The following DNAH14 variants were observed in gnomAD, a reference collection of about 807,000 sequenced individuals.
DNAH14 encodes axonemal beta dynein heavy chain 14.
In DNAH14, 478 loss-of-function variants were observed where a neutral mutation model predicts 520.9. The observed-to-expected ratio is 0.92, with a 90% CI of 0.85 to 0.99. The LOEUF is 0.99. Among genes scored for constraint, DNAH14 ranks in the 50% least tolerant of loss-of-function variants. The pLI is 0.00. For synonymous variants in DNAH14, 1,581 were observed against 1,757.2 expected (o/e 0.90, Z 2.51); for missense variants, 4,831 against 5,234.5 (o/e 0.92, Z 2.38).
Position 224,964,393 on chromosome 1 carries a change from A to C in DNAH14, c.368-86A>C, listed in dbSNP as rs1188461724. On this transcript the variant is annotated intron_variant, in intron 4 of 85. Coordinates refer to ENST00000682510, the MANE Select transcript of DNAH14 (RefSeq NM_001367479.1). Reference sequence around the variant, plus strand: ...TGTTACCATTTAAATTTTTCTCTATATAGAAATATTTGTAATATTATGCAT... The same window carrying C: ...TGTTACCATTTAAATTTTTCTCTATCTAGAAATATTTGTAATATTATGCAT... 3.7e-6 allele frequency: 5 copies of C among 1,343,624 alleles called. No homozygotes were observed. In the African/African-American group the frequency reaches 7.6e-5, roughly 20 times the overall value. 83.2% of individuals were successfully genotyped at this position (1,343,624 alleles called of 1,614,324 possible). A position where few individuals can be genotyped will look rare whatever the true frequency, so the allele number is the denominator to read the frequency against.
intron 10 of DNAH14, among the ~76,000 whole-genome samples, chr1:225,015,006 GTTATA>G (rs1004958688): frequency 2.6e-5 from 4 of 152,068 alleles, no homozygotes; most frequent in African/African-American, 9.7e-5. Context: ...ATTTACAATT[GTTATA>G]TTATCTTGCT....
At position 225,204,195 on chromosome 1, in the gene DNAH14, G is replaced by C. The variant is rs1405682073; in HGVS notation, c.5899G>C (p.Asp1967His). The change falls in exon 39 of 86, where the codon GAT (aspartate) becomes CAT (histidine). Residue 1967 changes from aspartate (D) to histidine (H), a missense_variant. Physicochemically the swap from Asp to His is moderately conservative, Grantham distance 81 (BLOSUM62 -1). Transcript: ENST00000682510. ...ISDLSNVFKL[D>H]SSDTTETDDN... ...TTACATATTTTAGGTTTTCAAACTT[G>C]ATTCCTCTGATACAACAGAGACTGA... 6.9e-7 allele frequency: 1 copy of C among 1,458,660 alleles called. No homozygotes were observed. The highest frequency in any genetic ancestry group is 9.0e-7 in the Non-Finnish European group (1 of 1,112,032). The allele number at this position is 1,458,660 out of a possible 1,614,324, so 90.4% of individuals were successfully genotyped here.
chr1:225,126,598 T>G (rs1241362702), intron 27 of DNAH14, among the ~76,000 whole-genome samples: 1 of 152,164 alleles, frequency 6.6e-6, no homozygotes, highest in African/African-American at 2.4e-5. Flanking sequence ...TCTTCTCTCT[T>G]TTTTTCTTTA....
Position 225,079,375 on chromosome 1 carries a change from A to AT in DNAH14, c.2596dup (p.Ser866PhefsTer14). The stretch of plus-strand genomic sequence containing the variant: ...TGTTGCAAAGCATCACCAGATCCAT[A>AT]TTTCAGAAGAGCAAATTGCCATATT... On this transcript the variant is annotated frameshift_variant, in exon 18 of 86. Transcript: ENST00000682510. LOFTEE classifies it high-confidence loss of function. 1 of 1,550,784 alleles carries AT rather than the reference A, an allele frequency of 6.4e-7. No homozygotes were observed. The highest frequency in any genetic ancestry group is 8.7e-7 in the Non-Finnish European group (1 of 1,146,752).
At position 225,240,703 on chromosome 1, in the gene DNAH14, A is replaced by G. The variant is rs575130169; in HGVS notation, c.6629A>G (p.Glu2210Gly). 3.2e-6 allele frequency: 5 copies of G among 1,551,156 alleles called. No individual in the cohort carries two copies. The South Asian group carries it at 4.8e-5, about 15-fold the overall frequency. ...GCATTTGGAGGAGCTTTAAACCGTGAAGATGAACACAGAGAAAATATACCA... is the reference window on the plus strand; with the variant it reads ...GCATTTGGAGGAGCTTTAAACCGTGGAGATGAACACAGAGAAAATATACCA... Reference protein sequence around the residue: ...TWAFGGALNREDEHRENIPFC... With the variant: ...TWAFGGALNRGDEHRENIPFC... The change falls in exon 43 of 86, where the codon GAA (glutamate) becomes GGA (glycine). Residue 2210 changes from glutamate to glycine, a missense_variant. By Grantham distance (98) the Glu-to-Gly change is moderately conservative (BLOSUM62 -2). Coordinates refer to ENST00000682510, the MANE Select transcript of DNAH14 (RefSeq NM_001367479.1).
At position 225,117,772 on chromosome 1, in the gene DNAH14, A is replaced by G; in HGVS notation, c.3956A>G (p.Asn1319Ser). The G allele has an allele frequency of 6.4e-7, 1 of 1,550,674 alleles. No individual in the cohort carries two copies. The highest frequency in any genetic ancestry group is 8.7e-7 in the Non-Finnish European group (1 of 1,146,388). ...CTTGATATTCTAGCTGATAGCAGAA[A>G]TCCTGAGTCTGTACAGGTAATAACA... ...ELLDILADSR[N>S]PESVQPHLVK... The change falls in exon 24 of 86, where the codon AAT becomes AGT. Residue 1319 changes from asparagine (N) to serine (S), a missense_variant. Transcript: ENST00000682510.
At chr1:225,095,084 TGTG>T (rs1422421426) in intron 21 of DNAH14, among the ~76,000 whole-genome samples, 2 of 152,090 alleles carry the variant, frequency 1.3e-5, no homozygotes, top group African/African-American at 4.8e-5. Context: ...TGTAAATTAG[TGTG>T]GTGATTTCTC....
chr1:225,075,380 T>C (rs1409320842), intron 17 of DNAH14, among the ~76,000 whole-genome samples: 2 of 152,198 alleles, frequency 1.3e-5, no homozygotes, highest in Non-Finnish European at 2.9e-5. Flanking sequence ...TTACTCACCC[T>C]TTTCATACCT....
chr1:225,112,121 G>A (rs1031494502), intron 23 of DNAH14, among the ~76,000 whole-genome samples: 1 of 151,848 alleles, frequency 6.6e-6, no homozygotes, highest in Non-Finnish European at 1.5e-5. Flanking sequence ...TCTGATTGAT[G>A]GACTCTCTTC....
intron 11 of DNAH14, among the ~76,000 whole-genome samples, chr1:225,032,361 T>C (rs2066594462): frequency 6.6e-6 from 1 of 152,146 alleles, no homozygotes; most frequent in Admixed American, 6.6e-5. Flanking sequence ...ATTAGTTTGC[T>C]AAGGATGATC....
chr1:225,305,293 A>T (rs753976777), intron 58 of DNAH14, among the ~76,000 whole-genome samples: 1 of 152,222 alleles, frequency 6.6e-6, no homozygotes, highest in African/African-American at 2.4e-5. Flanking sequence ...AGGCTGACAG[A>T]CTTGGCCAGT....
intron 71 of DNAH14, 147 bp from the exon 72 acceptor site, chr1:225,351,500 A>C (rs2095366218): frequency 2.3e-6 from 1 of 433,932 alleles, no homozygotes; most frequent in East Asian, 3.6e-5. Context: ...TTTATATTTT[A>C]TGTAAAATAT....
chr1:225,334,601 T>G (rs2150307263), intron 66 of DNAH14, among the ~76,000 whole-genome samples: 1 of 152,210 alleles, frequency 6.6e-6, no homozygotes, highest in Non-Finnish European at 1.5e-5. Flanking sequence ...AGAGTAAGAT[T>G]AATTTTCCTC....
At chr1:225,203,274 T>C (rs957355268) in intron 38 of DNAH14, among the ~76,000 whole-genome samples, 4 of 152,212 alleles carry the variant, frequency 2.6e-5, no homozygotes, top group Non-Finnish European at 4.4e-5. Context: ...AGAAATGCAC[T>C]AGAGCATAAT....
intron 8 of DNAH14, among the ~76,000 whole-genome samples, chr1:224,979,128 C>T (rs889235458): frequency 6.6e-6 from 1 of 152,126 alleles, no homozygotes; most frequent in African/African-American, 2.4e-5. Context: ...CCTGCAGGAA[C>T]ACCAAATGTT....
intron 27 of DNAH14, among the ~76,000 whole-genome samples, chr1:225,130,220 G>T (rs2078241524): frequency 6.6e-6 from 1 of 152,102 alleles, no homozygotes. Flanking sequence ...CACTGTTGGT[G>T]GGACTGTAAA....
chr1:225,355,674 A>G (rs999190339), intron 73 of DNAH14, among the ~76,000 whole-genome samples: 7 of 152,206 alleles, frequency 4.6e-5, no homozygotes, highest in African/African-American at 1.4e-4. Flanking sequence ...TTAAAAAAAT[A>G]TATGTATACA....
At chr1:225,129,437 C>A (rs1392388089) in intron 27 of DNAH14, among the ~76,000 whole-genome samples, 4 of 150,454 alleles carry the variant, frequency 2.7e-5, no homozygotes, top group Non-Finnish European at 6.0e-5. Context: ...GCTACAGTAA[C>A]CAAAACAGCA....
chr1:225,050,540 G>A (rs902583447), intron 16 of DNAH14, among the ~76,000 whole-genome samples, 164 bp downstream of exon 16: 3 of 152,158 alleles, frequency 2.0e-5, no homozygotes, highest in South Asian at 4.2e-4. Flanking sequence ...ATCTGTCATC[G>A]CTGCTCACCT....
Sources: allele counts gnomAD v4.1 joint callset (sites outside exome capture counted in the v4.1 genomes callset), GRCh38; gene constraint gnomAD v4.1.1; transcripts MANE v1.5; gene names NCBI Gene and HGNC (gene_info 2026-07-23, HGNC 2026-07-21).